SLIT2: variants seen among roughly 807,000 people sequenced by gnomAD.
The protein encoded by SLIT2 is slit guidance ligand 2, also known as slit homolog 2 protein.
In SLIT2, 41 loss-of-function variants were observed where a neutral mutation model predicts 185.7. That is an observed-to-expected ratio of 0.22 (90% CI 0.17 to 0.29). SLIT2 has a LOEUF of 0.29. Among genes scored for constraint, SLIT2 ranks in the 10% least tolerant of loss-of-function variants. SLIT2 has a pLI of 1.00. For missense variants in SLIT2, 1,571 were observed against 1,909.0 expected (o/e 0.82, Z 3.30); for synonymous variants, 693 against 680.2 (o/e 1.02, Z -0.29).
chr4:20,256,937 G>A (rs2109007526), intron 2 of SLIT2, among the ~76,000 whole-genome samples, 194 bp downstream of exon 2: 1 of 152,110 alleles, frequency 6.6e-6, no homozygotes, highest in Admixed American at 6.5e-5. Flanking sequence ...AAGGTTGGAA[G>A]CATGCCATAG....
intron 4 of SLIT2, among the ~76,000 whole-genome samples, chr4:20,408,974 C>T (rs1363665686): frequency 6.6e-6 from 1 of 151,720 alleles, no homozygotes; most frequent in African/African-American, 2.4e-5. Context: ...CACTTGTGCT[C>T]ATATGCATTT....
At chr4:20,258,190 G>A (rs528105416) in intron 3 of SLIT2, among the ~76,000 whole-genome samples, 1 of 151,818 alleles carries the variant, frequency 6.6e-6, no homozygotes, top group Admixed American at 6.6e-5. Context: ...CATTGCTTTG[G>A]TACTTAAAGA....
Position 20,298,533 on chromosome 4 carries a change from C to T in SLIT2, c.395+29652C>T, listed in dbSNP as rs1716725849. ...GTGGACCTGTGGGAACAGCAGGACCCAGAGTTTACTATATAACCTGCTCTT... is the reference window on the plus strand; with the variant it reads ...GTGGACCTGTGGGAACAGCAGGACCTAGAGTTTACTATATAACCTGCTCTT... On this transcript the variant is annotated intron_variant, in intron 4 of 36. Transcript: ENST00000504154. Among the ~76,000 whole-genome samples the T allele has an allele frequency of 2.6e-5, 4 of 152,290 alleles. No homozygotes were observed. In the South Asian group the frequency reaches 8.3e-4, roughly 32 times the overall value.
rs1486454883 is a variant in SLIT2 at position 20,541,009 on chromosome 4, A to G, written c.1977-444A>G. Among the ~76,000 whole-genome samples, 8 of 152,318 alleles carry G rather than the reference A, an allele frequency of 5.3e-5. No individual in the cohort carries two copies. The South Asian group carries it at 1.7e-3, about 32-fold the overall frequency. On this transcript the variant is annotated intron_variant, in intron 19 of 36. Transcript: ENST00000504154. ...GATGGAAATCTTGAGATGACAAATT[A>G]ATGAATTAGCTGTTGTCAGGTTAAA...
intron 4 of SLIT2, among the ~76,000 whole-genome samples, chr4:20,322,583 C>T (rs914882082): frequency 6.6e-6 from 1 of 151,938 alleles, no homozygotes; most frequent in Admixed American, 6.6e-5. Flanking sequence ...TTTTTCAAGT[C>T]TGTGTTTATG....
chr4:20,365,366 C>A (rs879512538), intron 4 of SLIT2, among the ~76,000 whole-genome samples: 5 of 152,144 alleles, frequency 3.3e-5, no homozygotes, highest in Admixed American at 6.5e-5. Flanking sequence ...GATCTTTCTG[C>A]CTCTCAGCCG....
At chr4:20,344,740 GA>G (rs1308107840) in intron 4 of SLIT2, among the ~76,000 whole-genome samples, 6 of 152,138 alleles carry the variant, frequency 3.9e-5, no homozygotes, top group African/African-American at 1.4e-4. Flanking sequence ...TCAAATATAA[GA>G]ACTTCTAATC....
At chr4:20,532,896 A>G (rs6816711) in intron 17 of SLIT2, among the ~76,000 whole-genome samples, 41,101 of 152,068 alleles carry the variant, frequency 0.27, 5,895 homozygotes, top group Middle Eastern at 0.39. Flanking sequence ...ACTGTGTGCA[A>G]TTCTCTCAGA....
chr4:20,307,231 TTTCCTTCC>T (rs71181557), intron 4 of SLIT2, among the ~76,000 whole-genome samples: 2,514 of 57,740 alleles, frequency 0.044, 123 homozygotes, highest in African/African-American at 0.15. Flanking sequence ...CTCTATTTCT[TTTCCTTCC>T]TTCCTTCCTT....
intron 4 of SLIT2, among the ~76,000 whole-genome samples, chr4:20,431,741 A>G (rs939828752): frequency 6.7e-4 from 102 of 152,108 alleles, no homozygotes; most frequent in Admixed American, 2.0e-4. Context: ...ACATTTGTTC[A>G]TTTCCTCTAC....
intron 29 of SLIT2, among the ~76,000 whole-genome samples, chr4:20,584,806 G>A (rs528496664): frequency 9.2e-5 from 14 of 152,160 alleles, no homozygotes; most frequent in East Asian, 1.9e-4. Flanking sequence ...TGTAATCCCA[G>A]CACTTTGGGA....
intron 3 of SLIT2, among the ~76,000 whole-genome samples, chr4:20,263,435 C>T (rs1254713619): frequency 6.6e-6 from 1 of 151,726 alleles, no homozygotes; most frequent in African/African-American, 2.4e-5. Context: ...CTCTTTGCTG[C>T]AGTTTGAGGT....
At chr4:20,435,404 A>G (rs1025941162) in intron 4 of SLIT2, among the ~76,000 whole-genome samples, 1 of 152,202 alleles carries the variant, frequency 6.6e-6, no homozygotes, top group African/African-American at 2.4e-5. Context: ...AGACAGTACA[A>G]TTTAATAATA....
At chr4:20,426,800 T>C (rs1445452394) in intron 4 of SLIT2, among the ~76,000 whole-genome samples, 2 of 152,164 alleles carry the variant, frequency 1.3e-5, no homozygotes, top group African/African-American at 4.8e-5. Context: ...GTAGTGCATA[T>C]GGGCTGGGCT....
At position 20,472,386 on chromosome 4, in the gene SLIT2, G is replaced by GAGAGATATAGATATCTATATATCTATATA. The variant is rs1560453735; in HGVS notation, c.467+4563_467+4564insAGAGATATAGATATCTATATATCTATATA. On this transcript the variant is annotated intron_variant, in intron 5 of 36. Coordinates refer to ENST00000504154, the MANE Select transcript of SLIT2 (RefSeq NM_004787.4). ...TATAGATATCTATATCTATATATATGTAGATATATAGATATAGATATCTAT... is the reference window on the plus strand; with the variant it reads ...TATAGATATCTATATCTATATATATGAGAGATATAGATATCTATATATCTATATATAGATATATAGATATAGATATCTAT... 2.1e-4 allele frequency among the ~76,000 whole-genome samples: 8 copies of GAGAGATATAGATATCTATATATCTATATA among 38,392 alleles called. 1 individual carries two copies. The highest frequency in any genetic ancestry group is 2.5e-3 in the South Asian group (2 of 798). The allele number at this position is 38,392 out of a possible 152,430, so 25.2% of individuals were successfully genotyped here.
chr4:20,509,423 A>G (rs2148823554), intron 9 of SLIT2, among the ~76,000 whole-genome samples: 1 of 152,210 alleles, frequency 6.6e-6, no homozygotes, highest in East Asian at 1.9e-4. Flanking sequence ...AAAATTAGGA[A>G]GGAGATGAGA....
chr4:20,583,743 A>T (rs1252046549), intron 29 of SLIT2, among the ~76,000 whole-genome samples: 3 of 152,092 alleles, frequency 2.0e-5, no homozygotes, highest in Non-Finnish European at 4.4e-5. Flanking sequence ...CAGGAGGCAG[A>T]GGTTGCAGTG....
intron 9 of SLIT2, among the ~76,000 whole-genome samples, chr4:20,498,024 T>C (rs6847464): frequency 0.24 from 35,896 of 151,872 alleles, 4,920 homozygotes; most frequent in African/African-American, 0.38. Flanking sequence ...ATACAAAAAA[T>C]TAGCCAGGCG....
At chr4:20,398,883 A>C (rs1726137721) in intron 4 of SLIT2, among the ~76,000 whole-genome samples, 1 of 151,842 alleles carries the variant, frequency 6.6e-6, no homozygotes, top group African/African-American at 2.4e-5. Context: ...TCGACAATAC[A>C]AAATTCTAAT....
Sources: gnomAD v4.1 joint callset for allele counts (sites outside exome capture counted in the v4.1 genomes callset) on GRCh38, gnomAD v4.1.1 for gene constraint, MANE v1.5 for transcripts, NCBI Gene and HGNC (gene_info 2026-07-23, HGNC 2026-07-21) for gene names.